The following ZMPSTE24 variants were observed in gnomAD, a reference collection of about 807,000 sequenced individuals.
ZMPSTE24 encodes zinc metallopeptidase STE24, also known as CAAX prenyl protease 1 homolog.
In ZMPSTE24, 48 loss-of-function variants were observed where a neutral mutation model predicts 56.7. That is an observed-to-expected ratio of 0.85 (90% confidence interval 0.67 to 1.08). ZMPSTE24 has a LOEUF of 1.08. ZMPSTE24 is among the 50% of genes least tolerant of loss of function. The probability of loss-of-function intolerance (pLI) is 0.00; values close to 1 mark genes in which losing one functional copy is unlikely to be tolerated. For synonymous variants in ZMPSTE24, 172 were observed against 195.2 expected (o/e 0.88, Z 0.99); for missense variants, 503 against 548.7 (o/e 0.92, Z 0.83).
intron 8 of ZMPSTE24, 81 bp downstream of exon 8, chr1:40,286,110 G>A: frequency 7.9e-7 from 1 of 1,268,574 alleles, no homozygotes; most frequent in Non-Finnish European, 1.1e-6. Context: ...TCATATAAGA[G>A]AGGCCAAGGC....
chr1:40,272,124 C>A, intron 6 of ZMPSTE24, 89 bp downstream of exon 6: 1 of 1,382,234 alleles, frequency 7.2e-7, no homozygotes, highest in Admixed American at 2.5e-5. Context: ...AAGAATTAAT[C>A]AGTTTTTGTT....
intron 1 of ZMPSTE24, chr1:40,259,324 ATCTT>A (rs909943217): frequency 1.3e-5 from 2 of 152,024 alleles, no homozygotes; most frequent in African/African-American, 4.8e-5. Context: ...TTTATTTTTA[ATCTT>A]TATTTATTTA....
chr1:40,263,326 ATTG>A, intron 2 of ZMPSTE24, among the ~76,000 whole-genome samples: 1 of 152,342 alleles, frequency 6.6e-6, no homozygotes, highest in East Asian at 1.9e-4. Flanking sequence ...TTTTATATGT[ATTG>A]TTTGATGTTT....
At position 40,268,550 on chromosome 1, in the gene ZMPSTE24, A is replaced by C. The variant is rs377648134; in HGVS notation, c.474+15A>C. 2 of 1,499,426 alleles carry C rather than the reference A, an allele frequency of 1.3e-6. No homozygotes were observed. Among genetic ancestry groups the C allele is most frequent in the South Asian group, 1.1e-5 (1 of 88,136 alleles). 92.9% of individuals were successfully genotyped at this position (1,499,426 alleles called of 1,614,324 possible). A position where few individuals can be genotyped will look rare whatever the true frequency, so the allele number is the denominator to read the frequency against. ...TCAATCAACAGGTATAATAAAGAAT[A>C]CAAATGTTCTCTTTTAAATGTGAAA... On this transcript the variant is annotated intron_variant, in intron 4 of 9. Coordinates refer to ENST00000372759, the MANE Select transcript of ZMPSTE24 (RefSeq NM_005857.5).
rs1052979279 is a variant in ZMPSTE24 at position 40,275,640 on chromosome 1, T to C, written c.769+3605T>C. Among the ~76,000 whole-genome samples the C allele has an allele frequency of 5.3e-5, 8 of 149,792 alleles. No individual in the cohort carries two copies. In the Admixed American group the frequency reaches 5.4e-4, roughly 10 times the overall value. ...GGTGGTGCACACCTGTAGTTCCAGC[T>C]ACTGGGGAGGCTGAGGCAGGAGGAT... On this transcript the variant is annotated intron_variant, in intron 6 of 9. Transcript: ENST00000372759.
intron 1 of ZMPSTE24, among the ~76,000 whole-genome samples, chr1:40,260,079 T>C (rs1276454587): frequency 2.0e-5 from 3 of 147,380 alleles, no homozygotes; most frequent in Non-Finnish European, 3.0e-5. Context: ...TTTTTTTTTT[T>C]AAGGAGATAG....
intron 6 of ZMPSTE24, among the ~76,000 whole-genome samples, chr1:40,272,507 G>A (rs887432084): frequency 1.3e-5 from 2 of 152,136 alleles, no homozygotes; most frequent in Admixed American, 1.3e-4. Flanking sequence ...TGTTCTGGAG[G>A]ACTCACCTGA....
At chr1:40,261,118 T>C in intron 2 of ZMPSTE24, 133 bp downstream of exon 2, 2 of 1,133,426 alleles carry the variant, frequency 1.8e-6, no homozygotes, top group Non-Finnish European at 2.6e-6. Context: ...TAGTAACGGC[T>C]GTGGAGCAAA....
At chr1:40,288,958 T>G (rs1168138357) in intron 8 of ZMPSTE24, among the ~76,000 whole-genome samples, 1 of 152,160 alleles carries the variant, frequency 6.6e-6, no homozygotes, top group Non-Finnish European at 1.5e-5. Flanking sequence ...AGTAATTCCC[T>G]TCACCACTGC....
chr1:40,282,908 T>A (rs1643744832), intron 7 of ZMPSTE24, among the ~76,000 whole-genome samples: 1 of 152,132 alleles, frequency 6.6e-6, no homozygotes, highest in Non-Finnish European at 1.5e-5. Flanking sequence ...GGTTGAGAAA[T>A]ACTAGGCTAA....
At chr1:40,285,707 G>C (rs773386378) in intron 7 of ZMPSTE24, among the ~76,000 whole-genome samples, 17 of 151,538 alleles carry the variant, frequency 1.1e-4, no homozygotes, top group African/African-American at 4.1e-4. Flanking sequence ...TGTAGTCTGG[G>C]AATGTCCATC....
chr1:40,273,916 C>G (rs887060465), intron 6 of ZMPSTE24, among the ~76,000 whole-genome samples: 1 of 150,462 alleles, frequency 6.6e-6, no homozygotes. Context: ...CTTTTTTTTT[C>G]CCCCTACAAC....
At chr1:40,284,629 G>A (rs1205817667) in intron 7 of ZMPSTE24, among the ~76,000 whole-genome samples, 2 of 152,106 alleles carry the variant, frequency 1.3e-5, no homozygotes, top group African/African-American at 2.4e-5. Context: ...GCATGCGCCT[G>A]TAATCCCAGC....
intron 2 of ZMPSTE24, among the ~76,000 whole-genome samples, chr1:40,263,490 G>A (rs373025645): frequency 1.3e-5 from 2 of 152,162 alleles, no homozygotes; most frequent in Non-Finnish European, 2.9e-5. Flanking sequence ...GTTCTGCTGA[G>A]TCTTTAAAAT....
Position 40,285,934 on chromosome 1 carries a change from C to T in ZMPSTE24, c.964C>T (p.Gln322Ter). The T allele has an allele frequency of 6.2e-7, 1 of 1,612,736 alleles. No individual in the cohort carries two copies. ...EIKAKVKNKK[Q>*]GCKNEEVLAV... Reference sequence around the variant, plus strand: ...ATTTTTTTTTATTCAGAATAAGAAACAAGGATGTAAAAATGAGGAGGTACT... The same window carrying T: ...ATTTTTTTTTATTCAGAATAAGAAATAAGGATGTAAAAATGAGGAGGTACT... Residue 322 changes from glutamine to a stop codon, truncating the protein, a stop_gained, in exon 8 of 10, where the codon CAA becomes TAA. Coordinates refer to ENST00000372759, the MANE Select transcript of ZMPSTE24 (RefSeq NM_005857.5). LOFTEE classifies it high-confidence loss of function.
At chr1:40,263,901 A>G (rs1643523377) in intron 2 of ZMPSTE24, among the ~76,000 whole-genome samples, 1 of 152,110 alleles carries the variant, frequency 6.6e-6, no homozygotes, top group Non-Finnish European at 1.5e-5. Context: ...ATATCAATAA[A>G]GGGCCCACTG....
At chr1:40,265,185 T>TA (rs1254078684) in intron 2 of ZMPSTE24, among the ~76,000 whole-genome samples, 2 of 152,234 alleles carry the variant, frequency 1.3e-5, no homozygotes, top group Admixed American at 6.5e-5. Flanking sequence ...CTTTTAATAA[T>TA]AGTTGCTGTG....
intron 1 of ZMPSTE24, among the ~76,000 whole-genome samples, chr1:40,258,795 G>T (rs895871067): frequency 6.6e-6 from 1 of 152,180 alleles, no homozygotes; most frequent in Non-Finnish European, 1.5e-5. Context: ...GTCCTTCCAA[G>T]AACTTGCACT....
chr1:40,278,431 G>A (rs1380483345), intron 6 of ZMPSTE24, among the ~76,000 whole-genome samples: 1 of 150,834 alleles, frequency 6.6e-6, no homozygotes, highest in African/African-American at 2.4e-5. Context: ...GGTAGCGGGC[G>A]CCTGTAGTCC....
Sources: gnomAD v4.1 joint callset for allele counts (sites outside exome capture counted in the v4.1 genomes callset) on GRCh38, gnomAD v4.1.1 for gene constraint, MANE v1.5 for transcripts, NCBI Gene and HGNC (gene_info 2026-07-23, HGNC 2026-07-21) for gene names.